The following NCKAP5 variants were observed in gnomAD, a reference collection of about 807,000 sequenced individuals.
NCKAP5 encodes the protein NCK associated protein 5.
Under a neutral mutation model 167.0 loss-of-function variants are expected in NCKAP5, and 92 were observed. That is an observed-to-expected ratio of 0.55 (90% confidence interval 0.47 to 0.66). The LOEUF (loss-of-function observed/expected upper bound fraction) is 0.66, where lower values mean the gene tolerates loss of function less well. Ranked by LOEUF, NCKAP5 falls within the 30% of genes least tolerant of loss-of-function variation. The pLI is 0.00. For missense variants in NCKAP5, 2,378 were observed against 2,315.0 expected, an observed-to-expected ratio of 1.03 and a Z score of -0.56; for synonymous variants, 891 against 877.4, an observed-to-expected ratio of 1.02 and a Z score of -0.27.
chr2:133,119,246 C>T (rs971699365), intron 6 of NCKAP5, among the ~76,000 whole-genome samples: 18 of 152,236 alleles, frequency 1.2e-4, no homozygotes, highest in Non-Finnish European at 2.1e-4. Flanking sequence ...TCAGGTAATC[C>T]ACTTGTTTCA....
At chr2:133,068,525 G>A (rs938415191) in intron 6 of NCKAP5, among the ~76,000 whole-genome samples, 5 of 152,206 alleles carry the variant, frequency 3.3e-5, no homozygotes, top group African/African-American at 1.2e-4. Context: ...ACTACACTGA[G>A]CAAGGGGCTC....
intron 3 of NCKAP5, among the ~76,000 whole-genome samples, chr2:133,380,419 T>A (rs1234653710): frequency 6.6e-6 from 1 of 152,184 alleles, no homozygotes; most frequent in Non-Finnish European, 1.5e-5. Context: ...AGGAGCTCAA[T>A]AAAACTTTAA....
At chr2:132,940,182 C>T (rs528344425) in intron 8 of NCKAP5, among the ~76,000 whole-genome samples, 6 of 152,242 alleles carry the variant, frequency 3.9e-5, no homozygotes, top group African/African-American at 4.8e-5. Flanking sequence ...AGAATAATGG[C>T]CTCCAGTTCC....
intron 15 of NCKAP5, among the ~76,000 whole-genome samples, chr2:132,780,507 C>T (rs1682940533): frequency 6.6e-6 from 1 of 152,132 alleles, no homozygotes; most frequent in South Asian, 2.1e-4. Context: ...TCACAATAGA[C>T]TAAATGATAG....
At position 132,673,287 on chromosome 2, in the gene NCKAP5, C is replaced by A; in HGVS notation, c.*2G>T. The A allele has an allele frequency of 1.3e-6, 2 of 1,505,182 alleles. No homozygotes were observed. Among genetic ancestry groups the A allele is most frequent in the Non-Finnish European group, 1.8e-6 (2 of 1,121,808 alleles). 93.2% of individuals were successfully genotyped at this position (1,505,182 alleles called of 1,614,324 possible). A position where few individuals can be genotyped will look rare whatever the true frequency, so the allele number is the denominator to read the frequency against. Reference sequence around the variant, plus strand: ...CTATTCTCGGGATCGTCTTTTGTTTCTTCAAGTTGTCTCAATTTCTGCAAT... The same window carrying A: ...CTATTCTCGGGATCGTCTTTTGTTTATTCAAGTTGTCTCAATTTCTGCAAT... On this transcript the variant is annotated 3_prime_UTR_variant, in exon 20 of 20. Transcript: ENST00000409261.
chr2:133,274,143 A>C (rs1480057903), intron 4 of NCKAP5, among the ~76,000 whole-genome samples: 1 of 151,966 alleles, frequency 6.6e-6, no homozygotes, highest in Non-Finnish European at 1.5e-5. Context: ...CTCCACAGAA[A>C]ATGGAAGAGA....
At chr2:133,115,966 A>C (rs1184772725) in intron 6 of NCKAP5, among the ~76,000 whole-genome samples, 1 of 151,436 alleles carries the variant, frequency 6.6e-6, no homozygotes, top group Non-Finnish European at 1.5e-5. Flanking sequence ...ATTTTTTGTA[A>C]AGTAGTGCTA....
chr2:133,495,641 C>T (rs10179509), intron 3 of NCKAP5, among the ~76,000 whole-genome samples: 3,032 of 152,208 alleles, frequency 0.02, 120 homozygotes, highest in African/African-American at 0.069. Context: ...AAGCTCCGAA[C>T]TACTGAATAA....
At chr2:132,829,617 C>G (rs190167130) in intron 11 of NCKAP5, among the ~76,000 whole-genome samples, 1 of 152,160 alleles carries the variant, frequency 6.6e-6, no homozygotes, top group Admixed American at 6.5e-5. Flanking sequence ...TAAATGCTTC[C>G]CGACCCCTGA....
intron 3 of NCKAP5, among the ~76,000 whole-genome samples, chr2:133,455,611 A>T (rs937294073): frequency 6.6e-6 from 1 of 152,066 alleles, no homozygotes; most frequent in Admixed American, 6.6e-5. Context: ...TCAAATTATG[A>T]TCAGAAGCTA....
intron 19 of NCKAP5, among the ~76,000 whole-genome samples, chr2:132,704,426 A>G (rs1195775934): frequency 3.3e-5 from 5 of 152,100 alleles, no homozygotes; most frequent in Non-Finnish European, 5.9e-5. Context: ...TCTAGCCACA[A>G]ATCTTGATGA....
chr2:133,658,529 A>G, the NCKAP5 span, among the ~76,000 whole-genome samples: 1 of 152,146 alleles, frequency 6.6e-6, no homozygotes, highest in African/African-American at 2.4e-5. Context: ...GGGCATTTCC[A>G]GCATCTACCA....
intron 6 of NCKAP5, among the ~76,000 whole-genome samples, chr2:133,067,040 TA>T (rs1363745060): frequency 1.3e-5 from 2 of 148,352 alleles, no homozygotes; most frequent in African/African-American, 5.0e-5. Flanking sequence ...TTTATTTTTT[TA>T]TTTTTGGTAG....
intron 3 of NCKAP5, among the ~76,000 whole-genome samples, chr2:133,371,328 G>A (rs1267060987): frequency 6.6e-6 from 1 of 152,192 alleles, no homozygotes. Flanking sequence ...GCATGTGGGA[G>A]ATGAGAAAAA....
chr2:133,350,751 G>A (rs1684304379), intron 3 of NCKAP5, among the ~76,000 whole-genome samples: 1 of 151,920 alleles, frequency 6.6e-6, no homozygotes, highest in African/African-American at 2.4e-5. Context: ...TCCCCTTCTC[G>A]GTCTGAGCCC....
chr2:133,108,026 AG>A (rs1289378104), intron 6 of NCKAP5, among the ~76,000 whole-genome samples: 2 of 152,192 alleles, frequency 1.3e-5, no homozygotes, highest in African/African-American at 2.4e-5. Context: ...CTATTTTTCA[AG>A]TTCCCTTCCC....
chr2:133,385,384 C>T (rs1249329945), intron 3 of NCKAP5, among the ~76,000 whole-genome samples: 1 of 152,104 alleles, frequency 6.6e-6, no homozygotes, highest in Non-Finnish European at 1.5e-5. Context: ...GCCTTGCATC[C>T]CAGGGATGAA....
At chr2:132,811,719 G>C (rs921849317) in intron 11 of NCKAP5, among the ~76,000 whole-genome samples, 3 of 152,178 alleles carry the variant, frequency 2.0e-5, no homozygotes, top group South Asian at 2.1e-4. Context: ...AAGAAAAAAG[G>C]CTTGGTTCTT....
intron 4 of NCKAP5, among the ~76,000 whole-genome samples, chr2:133,297,653 C>CTTA (rs1427750350): frequency 3.3e-5 from 5 of 152,178 alleles, no homozygotes; most frequent in African/African-American, 1.2e-4. Flanking sequence ...TTATCCAAGT[C>CTTA]TTATTCACCA....
Sources: gnomAD v4.1 joint callset for allele counts (sites outside exome capture counted in the v4.1 genomes callset) on GRCh38, gnomAD v4.1.1 for gene constraint, MANE v1.5 for transcripts, NCBI Gene and HGNC (gene_info 2026-07-23, HGNC 2026-07-21) for gene names.